Variants in CNBD1 observed in about 807,000 individuals in gnomAD.
CNBD1 encodes cyclic nucleotide binding domain containing 1, also known as cyclic nucleotide-binding domain-containing protein 1.
CNBD1 carries 71 observed loss-of-function variants against 54.4 expected under a neutral mutation model. The ratio of observed to expected loss-of-function variants is 1.30; its 90% CI spans 1.08 to 1.59. CNBD1 has a LOEUF of 1.59. Ranked by LOEUF, CNBD1 falls within the 40% of genes most tolerant of loss-of-function variation. The pLI is 0.00. For synonymous variants in CNBD1, 182 were observed against 170.7 expected, an observed-to-expected ratio of 1.07 and a Z score of -0.51; for missense variants, 659 against 518.0, an observed-to-expected ratio of 1.27 and a Z score of -2.64.
chr8:87,179,131 G>C (rs1396806775), intron 4 of CNBD1, among the ~76,000 whole-genome samples: 3 of 152,028 alleles, frequency 2.0e-5, no homozygotes, highest in South Asian at 4.1e-4. Flanking sequence ...GGATAGTCTC[G>C]ATCTCTTGAC....
intron 3 of CNBD1, among the ~76,000 whole-genome samples, chr8:86,935,583 T>G (rs1056677596): frequency 2.0e-4 from 31 of 152,180 alleles, no homozygotes; most frequent in African/African-American, 7.5e-4. Context: ...GGATCTGTGT[T>G]GAAGTCTTCT....
At chr8:87,348,799 C>A (rs557401975) in intron 8 of CNBD1, among the ~76,000 whole-genome samples, 26 of 152,206 alleles carry the variant, frequency 1.7e-4, no homozygotes, top group Middle Eastern at 3.4e-3. Context: ...CTTCTTCTGG[C>A]TTAATTTAGA....
At chr8:87,258,422 TATTTC>T (rs1320062627) in intron 6 of CNBD1, among the ~76,000 whole-genome samples, 1 of 136,502 alleles carries the variant, frequency 7.3e-6, no homozygotes, top group East Asian at 2.0e-4. Context: ...TTCTTTTTTT[TATTTC>T]TTTTTTTTCT....
chr8:87,329,362 T>A (rs1463887618), intron 8 of CNBD1, among the ~76,000 whole-genome samples: 2 of 152,182 alleles, frequency 1.3e-5, no homozygotes, highest in Non-Finnish European at 2.9e-5. Context: ...TTGTTCTTCT[T>A]CAATATTGTA....
intron 8 of CNBD1, among the ~76,000 whole-genome samples, chr8:87,347,589 C>A (rs1031875777): frequency 6.6e-6 from 1 of 152,016 alleles, no homozygotes; most frequent in Non-Finnish European, 1.5e-5. Flanking sequence ...CTAGAAGGAG[C>A]AGTATAGAGT....
chr8:87,145,944 A>G (rs1256934979), intron 4 of CNBD1, among the ~76,000 whole-genome samples: 1 of 152,166 alleles, frequency 6.6e-6, no homozygotes, highest in East Asian at 1.9e-4. Flanking sequence ...CTATATTATC[A>G]TTATTATAGA....
At chr8:87,061,396 C>T (rs898158771) in intron 4 of CNBD1, among the ~76,000 whole-genome samples, 2 of 152,194 alleles carry the variant, frequency 1.3e-5, no homozygotes, top group African/African-American at 4.8e-5. Context: ...CATATTTTTA[C>T]AATGCTCTAC....
intron 8 of CNBD1, among the ~76,000 whole-genome samples, chr8:87,334,500 C>A (rs1440227949): frequency 6.6e-6 from 1 of 151,910 alleles, no homozygotes; most frequent in Non-Finnish European, 1.5e-5. Flanking sequence ...CTCTAGGTTT[C>A]CGATGTGGGC....
chr8:87,350,257 A>C (rs573785990), intron 8 of CNBD1, among the ~76,000 whole-genome samples: 20 of 152,170 alleles, frequency 1.3e-4, no homozygotes, highest in African/African-American at 4.6e-4. Flanking sequence ...TTCTGCTGTA[A>C]AAAAAGACAA....
chr8:87,112,244 C>G (rs1466724736), intron 4 of CNBD1, among the ~76,000 whole-genome samples: 1 of 152,190 alleles, frequency 6.6e-6, no homozygotes, highest in African/African-American at 2.4e-5. Context: ...TAGTGCATCT[C>G]TAAGCATCAT....
chr8:86,873,262 C>T lies in CNBD1; in HGVS notation c.88+6679C>T, dbSNP rs560036632. 1.5e-4 allele frequency among the ~76,000 whole-genome samples: 23 copies of T among 151,764 alleles called. No individual in the cohort carries two copies. The East Asian group carries it at 2.0e-3, about 13-fold the overall frequency. ...GATTACAGGCATGCGCCACCACACC[C>T]GGCTAATTTTGTATTTTTAGTAGAG... On this transcript the variant is annotated intron_variant, in intron 1 of 10. Coordinates refer to ENST00000518476, the MANE Select transcript of CNBD1 (RefSeq NM_173538.3).
chr8:87,236,977 C>T lies in CNBD1; in HGVS notation c.636C>T (p.Asn212=), dbSNP rs761655174. The stretch of plus-strand genomic sequence containing the variant: ...AAGGCCTAGCTCGACCTCAAACAAA[C>T]GTGTATAAAAATCTGATTGAAGGAA... The part of the protein sequence containing the change: ...ILKGLARPQT[N]VYKNLIEGSD... The change falls in exon 6 of 11, where the codon AAC becomes AAT. Residue 212 remains asparagine (N), a synonymous_variant. Transcript: ENST00000518476. 8.7e-6 allele frequency: 14 copies of T among 1,611,838 alleles called. No individual in the cohort carries two copies. The highest frequency in any genetic ancestry group is 2.7e-5 in the African/African-American group (2 of 74,766).
chr8:86,961,666 A>G (rs1378537070), intron 4 of CNBD1, among the ~76,000 whole-genome samples: 3 of 152,188 alleles, frequency 2.0e-5, no homozygotes, highest in African/African-American at 7.2e-5. Context: ...TTAGGTAGGC[A>G]CTAGTGCTGC....
rs1272302481 is a variant in CNBD1, at chr8:87,195,578, TA to T, written c.432-10413del. ...TTAAATATTGTTTTTTTTTTTTTTT[TA>T]ATTTTTATTTTTGAGACAGAGTCTT... On this transcript the variant is annotated intron_variant, in intron 4 of 10. Coordinates refer to ENST00000518476, the MANE Select transcript of CNBD1 (RefSeq NM_173538.3). 6.7e-5 allele frequency among the ~76,000 whole-genome samples: 10 copies of T among 150,320 alleles called. 1 individual carries two copies. Among genetic ancestry groups the T allele is most frequent in the African/African-American group, 2.2e-4 (9 of 40,866 alleles).
intron 4 of CNBD1, among the ~76,000 whole-genome samples, chr8:87,134,807 C>T (rs1315970479): frequency 6.6e-6 from 1 of 151,222 alleles, no homozygotes; most frequent in African/African-American, 2.4e-5. Context: ...AGATGGGTTT[C>T]ACTGTGTTAG....
At chr8:86,887,128 T>A (rs1282460455) in intron 1 of CNBD1, among the ~76,000 whole-genome samples, 1 of 152,118 alleles carries the variant, frequency 6.6e-6, no homozygotes, top group Non-Finnish European at 1.5e-5. Context: ...ATAAGTAGGA[T>A]TGAATCGAAG....
intron 4 of CNBD1, among the ~76,000 whole-genome samples, chr8:87,100,158 A>G (rs546611697): frequency 1.6e-3 from 242 of 152,298 alleles, no homozygotes; most frequent in African/African-American, 5.7e-3. Context: ...TAACCATAGC[A>G]TCGAGCAATT....
chr8:87,109,535 TCTTTC>T (rs1257823003), intron 4 of CNBD1, among the ~76,000 whole-genome samples: 6 of 118,608 alleles, frequency 5.1e-5, no homozygotes, highest in African/African-American at 2.0e-4. Context: ...TTTCTTTCTT[TCTTTC>T]TTTTTTTTTT....
At chr8:87,366,587 C>A (rs1466456056) in intron 10 of CNBD1, among the ~76,000 whole-genome samples, 2 of 152,086 alleles carry the variant, frequency 1.3e-5, no homozygotes, top group African/African-American at 4.8e-5. Flanking sequence ...TCCTTAATTA[C>A]ATCTGCAAAA....
Sources: allele counts gnomAD v4.1 joint callset (sites outside exome capture counted in the v4.1 genomes callset), GRCh38; gene constraint gnomAD v4.1.1; transcripts MANE v1.5; gene names NCBI Gene and HGNC (gene_info 2026-07-23, HGNC 2026-07-21).